Variants in LSM6 observed in about 807,000 individuals in gnomAD.
LSM6 encodes LSM6 homolog, U6 small nuclear RNA and mRNA degradation associated, also known as U6 snRNA-associated Sm-like protein LSm6.
Under a neutral mutation model 13.5 loss-of-function variants are expected in LSM6, and 2 were observed. That is an observed-to-expected ratio of 0.15 (90% CI 0.06 to 0.47). The LOEUF (loss-of-function observed/expected upper bound fraction) is 0.47. Ranked by LOEUF, LSM6 falls within the 20% of genes least tolerant of loss-of-function variation. LSM6 has a pLI of 0.97. For missense variants in LSM6, 58 were observed against 96.4 expected, an observed-to-expected ratio of 0.60 and a Z score of 1.67; for synonymous variants, 43 against 34.9, an observed-to-expected ratio of 1.23 and a Z score of -0.82.
At chr4:146,189,004 T>C (rs1023227640) in intron 3 of LSM6, among the ~76,000 whole-genome samples, 118 of 132,956 alleles carry the variant, frequency 8.9e-4, no homozygotes, top group Non-Finnish European at 1.7e-3. Flanking sequence ...TTTTTTTTTT[T>C]CCTGAGATGA....
chr4:146,181,028 T>G (rs1730220315), intron 1 of LSM6: 1 of 152,240 alleles, frequency 6.6e-6, no homozygotes, highest in Non-Finnish European at 1.5e-5. Flanking sequence ...GAGTCCTGAA[T>G]GAAAAGTGGT....
chr4:146,187,110 A>AGCT (rs1730366897), intron 2 of LSM6, among the ~76,000 whole-genome samples, 164 bp from the exon 3 acceptor site: 3 of 152,190 alleles, frequency 2.0e-5, no homozygotes, highest in African/African-American at 7.2e-5. Flanking sequence ...ATTGGCATAG[A>AGCT]GTTGTTTTGT....
chr4:146,189,804 A>G lies in LSM6; in HGVS notation c.*148A>G, dbSNP rs17814234. On this transcript the variant is annotated 3_prime_UTR_variant, in exon 4 of 4. Transcript: ENST00000296581. ...CATGTGAGTAAGATAAATGTATACA[A>G]TTGTGGATTTAATTGTGAAATGTTC... 0.029 allele frequency: 17,051 copies of G among 580,994 alleles called. 321 individuals carry two copies. Among genetic ancestry groups the G allele is most frequent in the Middle Eastern group, 0.042 (95 of 2,282 alleles). The allele number at this position is 580,994 out of a possible 1,614,324, so 36.0% of individuals were successfully genotyped here.
rs539118870 is a variant in LSM6, at chr4:146,180,208, T to G, written c.-10-2704T>G. Among the ~76,000 whole-genome samples the G allele has an allele frequency of 1.1e-3, 171 of 152,360 alleles. 2 individuals are homozygous for G. Among genetic ancestry groups the G allele is most frequent in the Middle Eastern group, 6.8e-3 (2 of 294 alleles). ...CTCTGCCCTTTTGTGCATAATTCTA[T>G]CAGAATACACATCACCTTTGTAAAA... On this transcript the variant is annotated intron_variant, in intron 1 of 3. Transcript: ENST00000296581.
chr4:146,179,667 A>G (rs1362721322), intron 1 of LSM6, among the ~76,000 whole-genome samples: 1 of 152,214 alleles, frequency 6.6e-6, no homozygotes, highest in Non-Finnish European at 1.5e-5. Flanking sequence ...GAAAAGACCC[A>G]CATAAAGAAT....
rs17757715 is a variant in LSM6, at chr4:146,189,500, C to A, written c.209-122C>A. 3 of 663,478 alleles carry A rather than the reference C, an allele frequency of 4.5e-6. No homozygotes were observed. The African/African-American group carries it at 5.6e-5, about 12-fold the overall frequency. The allele number at this position is 663,478 out of a possible 1,614,324, so 41.1% of individuals were successfully genotyped here. A position where few individuals can be genotyped will look rare whatever the true frequency, so the allele number is the denominator to read the frequency against. ...TACTTCTAGAGTTAATTGAATGATA[C>A]GAGAATTCCTTTTAAATGTCAGATG... On this transcript the variant is annotated intron_variant, in intron 3 of 3. Transcript: ENST00000296581.
intron 2 of LSM6, among the ~76,000 whole-genome samples, chr4:146,186,267 T>C (rs1391992378): frequency 6.6e-6 from 1 of 152,226 alleles, no homozygotes; most frequent in African/African-American, 2.4e-5. Context: ...GGTAGATTAA[T>C]GTCTTTTGCT....
chr4:146,185,726 C>A (rs1432338809), intron 2 of LSM6, among the ~76,000 whole-genome samples: 1 of 149,474 alleles, frequency 6.7e-6, no homozygotes. Flanking sequence ...TAGAAGTGAA[C>A]TCTTTTTTTT....
rs887163044 is a variant in LSM6, at chr4:146,189,895, TAAAA to T, written c.*243_*246del. On this transcript the variant is annotated 3_prime_UTR_variant, in exon 4 of 4. Transcript: ENST00000296581. ...TCAGTGTACAGAATGCTAAAATAAT[TAAAA>T]AAAGACAAAATATACCTCTTCCTAC... 32 of 405,052 alleles carry T rather than the reference TAAAA, an allele frequency of 7.9e-5. No homozygotes were observed. The East Asian group carries it at 1.3e-3, about 17-fold the overall frequency. The allele number at this position is 405,052 out of a possible 1,614,324, so 25.1% of individuals were successfully genotyped here.
chr4:146,187,835 G>A (rs1304298562), intron 3 of LSM6, among the ~76,000 whole-genome samples: 1 of 152,058 alleles, frequency 6.6e-6, no homozygotes, highest in Non-Finnish European at 1.5e-5. Context: ...CTTCAGTTTG[G>A]CAAAAATGGC....
chr4:146,185,634 CT>C (rs1436104012), intron 2 of LSM6, among the ~76,000 whole-genome samples: 1 of 151,368 alleles, frequency 6.6e-6, no homozygotes, highest in East Asian at 1.9e-4. Context: ...TTCTAACCCC[CT>C]GGGCAGTTTT....
Position 146,189,618 on chromosome 4 carries a change from TCAG to T in LSM6, c.209-3_209-1del. 1 of 1,588,512 alleles carries T rather than the reference TCAG, an allele frequency of 6.3e-7. No homozygotes were observed. The highest frequency in any genetic ancestry group is 8.6e-7 in the Non-Finnish European group (1 of 1,163,050). On this transcript the variant is annotated splice_acceptor_variant and splice_polypyrimidine_tract_variant and intron_variant, in intron 3 of 3. Coordinates refer to ENST00000296581, the MANE Select transcript of LSM6 (RefSeq NM_007080.3). LOFTEE classifies it high-confidence loss of function. ...TTTCAATTTATGTATTTTTTTCTTT[TCAG>T]TGTTGTACATCAGTACACAGAAGAG...
At chr4:146,188,633 G>A (rs1380755702) in intron 3 of LSM6, among the ~76,000 whole-genome samples, 1 of 152,140 alleles carries the variant, frequency 6.6e-6, no homozygotes, top group Non-Finnish European at 1.5e-5. Flanking sequence ...GAAGGTGGAA[G>A]GGAGAACCAC....
intron 1 of LSM6, chr4:146,176,643 TC>T (rs958126602): frequency 6.6e-6 from 1 of 152,140 alleles, no homozygotes; most frequent in African/African-American, 2.4e-5. Context: ...AGTGTAGTTT[TC>T]CACTTCCATT....
At chr4:146,188,916 AAT>A (rs1730405825) in intron 3 of LSM6, among the ~76,000 whole-genome samples, 1 of 152,064 alleles carries the variant, frequency 6.6e-6, no homozygotes, top group Admixed American at 6.6e-5. Flanking sequence ...GACAGATGAA[AAT>A]ATGTTGTTTA....
chr4:146,176,460 G>C (rs1281904643), intron 1 of LSM6: 1 of 152,214 alleles, frequency 6.6e-6, no homozygotes, highest in Non-Finnish European at 1.5e-5. Context: ...AAGATGATGC[G>C]GATTACCCTG....
chr4:146,181,532 A>C (rs1730231485), intron 1 of LSM6, among the ~76,000 whole-genome samples: 1 of 152,170 alleles, frequency 6.6e-6, no homozygotes, highest in South Asian at 2.1e-4. Flanking sequence ...GTCTCCAAAT[A>C]ATCCTTCTCC....
Position 146,191,175 on chromosome 4 carries a change from T to C in LSM6, c.*1519T>C, listed in dbSNP as rs926744739. On this transcript the variant is annotated 3_prime_UTR_variant, in exon 4 of 4. Coordinates refer to ENST00000296581, the MANE Select transcript of LSM6 (RefSeq NM_007080.3). ...AGTACAAATCACCAATTTGCTCTTT[T>C]ATAAATGAGTTCTTTTAAGGAGAAA... 6.6e-6 allele frequency: 1 copy of C among 152,232 alleles called. No homozygotes were observed. 9.4% of individuals were successfully genotyped at this position (152,232 alleles called of 1,614,324 possible). A position where few individuals can be genotyped will look rare whatever the true frequency, so the allele number is the denominator to read the frequency against.
intron 2 of LSM6, 66 bp downstream of exon 2, chr4:146,183,081 A>G (rs956218166): frequency 1.7e-5 from 20 of 1,199,092 alleles, no homozygotes; most frequent in Non-Finnish European, 2.2e-5. Context: ...ACTGATATTT[A>G]TTAACCTCTT....
Sources: allele counts gnomAD v4.1 joint callset (sites outside exome capture counted in the v4.1 genomes callset), GRCh38; gene constraint gnomAD v4.1.1; transcripts MANE v1.5; gene names NCBI Gene and HGNC (gene_info 2026-07-23, HGNC 2026-07-21).